TLCD4: variants seen among roughly 807,000 people sequenced by gnomAD.
The protein encoded by TLCD4 is TLC domain-containing protein 4.
TLCD4 carries 7 observed loss-of-function variants against 24.2 expected under a neutral mutation model. The ratio of observed to expected loss-of-function variants is 0.29; its 90% confidence interval spans 0.16 to 0.54. The LOEUF (loss-of-function observed/expected upper bound fraction) is 0.54. Among genes scored for constraint, TLCD4 ranks in the 20% least tolerant of loss-of-function variants. TLCD4 has a pLI of 0.95. For missense variants in TLCD4, 259 were observed against 313.9 expected (o/e 0.82, Z 1.32); for synonymous variants, 103 against 106.4 (o/e 0.97, Z 0.20).
intron 1 of TLCD4, among the ~76,000 whole-genome samples, chr1:95,126,846 T>C (rs2100908884): frequency 1.3e-5 from 2 of 152,292 alleles, no homozygotes; most frequent in East Asian, 3.9e-4. Flanking sequence ...AAAGCCTCTC[T>C]TCTGTTGTAT....
Position 95,173,821 on chromosome 1 carries a change from T to C in TLCD4, c.405T>C (p.Asn135=), listed in dbSNP as rs747545356. 10 of 1,614,096 alleles carry C rather than the reference T, an allele frequency of 6.2e-6. No homozygotes were observed. The highest frequency in any genetic ancestry group is 1.7e-5 in the Admixed American group (1 of 60,004). Residue 135 remains asparagine, a synonymous_variant, in exon 6 of 7, where the codon AAT becomes AAC. Transcript: ENST00000370203. The stretch of plus-strand genomic sequence containing the variant: ...GTTTTATGTTTATCATTCAGAAAAA[T>C]GGAGTGCTGGCATACATTGGGAATT... The part of the protein sequence containing the change: ...SLYAYYLVLK[N]GVLAYIGNFR...
At chr1:95,181,119 C>A (rs990104250) in intron 6 of TLCD4, among the ~76,000 whole-genome samples, 1 of 152,012 alleles carries the variant, frequency 6.6e-6, no homozygotes, top group African/African-American at 2.4e-5. Flanking sequence ...AAAATTATTA[C>A]CTCATTGAAT....
chr1:95,104,578 T>G, the TLCD4 span, among the ~76,000 whole-genome samples: 1 of 142,766 alleles, frequency 7.0e-6, no homozygotes, highest in Non-Finnish European at 1.5e-5. Context: ...GGCAGACGAG[T>G]GGCATGAACT....
At chr1:95,190,065 C>T (rs1052162276) in intron 6 of TLCD4, among the ~76,000 whole-genome samples, 2 of 150,426 alleles carry the variant, frequency 1.3e-5, no homozygotes, top group Admixed American at 1.3e-4. Context: ...AATAGGTGTG[C>T]ATAGTATCTT....
rs1679231147 is a variant in TLCD4, at chr1:95,197,188, T to C, written c.*5320T>C. ...TTTCCATAAGGCTGAAGAACTTTTA[T>C]TTACAAAATGTAAGACTAGATAATG... is the stretch of plus-strand genomic sequence containing the variant. On this transcript the variant is annotated 3_prime_UTR_variant, in exon 7 of 7. Transcript: ENST00000370203. 6.6e-6 allele frequency: 1 copy of C among 152,184 alleles called. No homozygotes were observed. Among genetic ancestry groups the C allele is most frequent in the Non-Finnish European group, 1.5e-5 (1 of 68,010 alleles). The allele number at this position is 152,184 out of a possible 1,614,324, so 9.4% of individuals were successfully genotyped here. A position where few individuals can be genotyped will look rare whatever the true frequency, so the allele number is the denominator to read the frequency against.
chr1:95,113,691 A>G (rs1320608670), upstream of TLCD4, among the ~76,000 whole-genome samples: 1 of 152,236 alleles, frequency 6.6e-6, no homozygotes, highest in Non-Finnish European at 1.5e-5. Flanking sequence ...AAACAAAACA[A>G]TACACATACA....
intron 5 of TLCD4, among the ~76,000 whole-genome samples, chr1:95,160,466 ACTT>A (rs1388367785): frequency 3.3e-5 from 5 of 152,038 alleles, no homozygotes; most frequent in African/African-American, 1.2e-4. Flanking sequence ...GGACAGTTTG[ACTT>A]CTTCTTTTCC....
chr1:95,099,472 A>T, the TLCD4 span, among the ~76,000 whole-genome samples: 13 of 110,908 alleles, frequency 1.2e-4, no homozygotes, highest in Middle Eastern at 5.1e-3. Flanking sequence ...GTGCTAAAAA[A>T]CTCTATTTTT....
intron 6 of TLCD4, 49 bp downstream of exon 6, chr1:95,173,938 T>C (rs1487552254): frequency 6.2e-7 from 1 of 1,610,394 alleles, no homozygotes; most frequent in Non-Finnish European, 8.5e-7. Flanking sequence ...TGTTTATTTT[T>C]AGTTTGGGCA....
At chr1:95,098,837 G>A in the TLCD4 span, among the ~76,000 whole-genome samples, 1 of 151,964 alleles carries the variant, frequency 6.6e-6, no homozygotes, top group African/African-American at 2.4e-5. Flanking sequence ...GGCCGAGGTG[G>A]GTGGATCACC....
the TLCD4 span, among the ~76,000 whole-genome samples, chr1:95,105,677 C>G: frequency 6.6e-6 from 1 of 151,916 alleles, no homozygotes; most frequent in Non-Finnish European, 1.5e-5. Context: ...GGGCGGATCA[C>G]GAGGCCAGGA....
chr1:95,110,854 TC>T, the TLCD4 span, among the ~76,000 whole-genome samples: 2 of 122,852 alleles, frequency 1.6e-5, no homozygotes, highest in Non-Finnish European at 1.6e-5. Context: ...AGATTCTGTC[TC>T]AAAAGAAAAG....
chr1:95,124,193 A>G (rs1391630318), intron 1 of TLCD4, among the ~76,000 whole-genome samples: 5 of 152,230 alleles, frequency 3.3e-5, no homozygotes, highest in Non-Finnish European at 7.3e-5. Context: ...AAGATAAAGT[A>G]TATTTAGTAT....
the TLCD4 span, among the ~76,000 whole-genome samples, chr1:95,106,920 G>A: frequency 6.6e-6 from 1 of 152,108 alleles, no homozygotes; most frequent in Non-Finnish European, 1.5e-5. Flanking sequence ...AATAATAACT[G>A]TCATTTTCGA....
chr1:95,159,349 T>A (rs7521517), intron 5 of TLCD4, among the ~76,000 whole-genome samples: 67,448 of 152,040 alleles, frequency 0.44, 16,420 homozygotes, highest in Middle Eastern at 0.58. Flanking sequence ...ACTTTTTGAT[T>A]GGGTTGTTTG....
chr1:95,137,934 G>T (rs1041856433), intron 1 of TLCD4, among the ~76,000 whole-genome samples: 1 of 152,038 alleles, frequency 6.6e-6, no homozygotes, highest in Non-Finnish European at 1.5e-5. Context: ...ACGGGGTCTT[G>T]TTAATGTTGT....
the TLCD4 span, among the ~76,000 whole-genome samples, chr1:95,107,061 A>C: frequency 6.6e-6 from 1 of 152,310 alleles, no homozygotes; most frequent in South Asian, 2.1e-4. Context: ...ACATGAGGTA[A>C]ATTTTATTGG....
At chr1:95,121,765 C>A (rs1003655152) in intron 1 of TLCD4, among the ~76,000 whole-genome samples, 1 of 152,218 alleles carries the variant, frequency 6.6e-6, no homozygotes, top group Non-Finnish European at 1.5e-5. Flanking sequence ...CCTCCGTGCT[C>A]AGCCTGAAAA....
the TLCD4 span, among the ~76,000 whole-genome samples, chr1:95,092,914 T>TC: frequency 6.6e-6 from 1 of 152,176 alleles, no homozygotes; most frequent in Non-Finnish European, 1.5e-5. Context: ...ACTTTTTGTA[T>TC]TTTTAGTAGA....
Sources: allele counts gnomAD v4.1 joint callset (sites outside exome capture counted in the v4.1 genomes callset), GRCh38; gene constraint gnomAD v4.1.1; transcripts MANE v1.5; gene names NCBI Gene and HGNC (gene_info 2026-07-23, HGNC 2026-07-21).